The following PXYLP1 variants were observed in gnomAD, a reference collection of about 807,000 sequenced individuals.
PXYLP1 encodes the protein acid phosphatase-like 2.
Under a neutral mutation model 37.9 loss-of-function variants are expected in PXYLP1, and 17 were observed. The ratio of observed to expected loss-of-function variants is 0.45; its 90% CI spans 0.31 to 0.67. The LOEUF is 0.67. PXYLP1 is among the 30% of genes least tolerant of loss of function. The pLI is 0.07. For missense variants in PXYLP1, 511 were observed against 612.0 expected (o/e 0.84, Z 1.74); for synonymous variants, 221 against 232.2 (o/e 0.95, Z 0.44).
intron 1 of PXYLP1, among the ~76,000 whole-genome samples, chr3:141,244,176 T>A (rs181128700): frequency 2.0e-5 from 3 of 152,342 alleles, no homozygotes; most frequent in Admixed American, 1.3e-4. Context: ...TAAAAAAAAA[T>A]TGTTACTTTT....
chr3:141,254,644 G>C (rs1466676667), intron 1 of PXYLP1, among the ~76,000 whole-genome samples: 1 of 151,994 alleles, frequency 6.6e-6, no homozygotes, highest in Admixed American at 6.6e-5. Context: ...TGGAAAAGGG[G>C]AACTATTAAG....
intron 2 of PXYLP1, among the ~76,000 whole-genome samples, chr3:141,276,697 G>T (rs1352314860): frequency 6.6e-6 from 1 of 152,152 alleles, no homozygotes; most frequent in Non-Finnish European, 1.5e-5. Context: ...CGAGATCGGG[G>T]GTAGTGCACA....
intron 1 of PXYLP1, among the ~76,000 whole-genome samples, chr3:141,242,864 T>C (rs1431767808): frequency 6.6e-6 from 1 of 152,218 alleles, no homozygotes; most frequent in Non-Finnish European, 1.5e-5. Flanking sequence ...AGAAGCTCCA[T>C]GAGGGCAGGA....
At chr3:141,260,559 A>G (rs1388622222) in intron 2 of PXYLP1, among the ~76,000 whole-genome samples, 1 of 152,198 alleles carries the variant, frequency 6.6e-6, no homozygotes, top group Non-Finnish European at 1.5e-5. Context: ...CACACAGAGC[A>G]GAGGTGTTTA....
Position 141,260,243 on chromosome 3 carries a change from G to T in PXYLP1, c.68G>T (p.Ser23Ile). The change falls in exon 2 of 6, where the codon AGC becomes ATC. Residue 23 changes from serine to isoleucine, a missense_variant. Ser to Ile is a moderately radical substitution (Grantham distance 142). Transcript: ENST00000286353. Reference sequence around the variant, plus strand: ...GCGCTGCTGGCCTTTGTGAGCCTCAGCCTGCAGTTCTGTGAGTAGAGCCGG... The same window carrying T: ...GCGCTGCTGGCCTTTGTGAGCCTCATCCTGCAGTTCTGTGAGTAGAGCCGG... ...LAALLAFVSL[S>I]LQFFHLIPVS... 3 of 1,612,994 alleles carry T rather than the reference G, an allele frequency of 1.9e-6. No homozygotes were observed. The highest frequency in any genetic ancestry group is 1.1e-5 in the South Asian group (1 of 91,082).
intron 1 of PXYLP1, among the ~76,000 whole-genome samples, chr3:141,242,227 T>C (rs892744776): frequency 6.6e-6 from 1 of 152,170 alleles, no homozygotes; most frequent in Non-Finnish European, 1.5e-5. Flanking sequence ...GAGGACACAT[T>C]GAAATGAACG....
intron 2 of PXYLP1, among the ~76,000 whole-genome samples, chr3:141,265,864 G>A (rs1941498067): frequency 6.6e-6 from 1 of 152,218 alleles, no homozygotes; most frequent in Non-Finnish European, 1.5e-5. Context: ...AAGAGGCCAC[G>A]GGAAAGTGCT....
At chr3:141,240,314 A>G (rs577184030) in intron 1 of PXYLP1, among the ~76,000 whole-genome samples, 1 of 152,272 alleles carries the variant, frequency 6.6e-6, no homozygotes, top group African/African-American at 2.4e-5. Flanking sequence ...TAATGGTTCA[A>G]ATATGGTAGG....
chr3:141,275,998 G>A (rs1353332255), intron 2 of PXYLP1, among the ~76,000 whole-genome samples: 4 of 152,110 alleles, frequency 2.6e-5, no homozygotes, highest in Admixed American at 1.3e-4. Flanking sequence ...TTTCTAAGTC[G>A]AGATATGTTT....
intron 2 of PXYLP1, 96 bp downstream of exon 2, chr3:141,260,350 C>A: frequency 7.4e-7 from 1 of 1,357,018 alleles, no homozygotes; most frequent in Non-Finnish European, 1.0e-6. Flanking sequence ...AATGATGAGG[C>A]TGAAGACAAC....
In PXYLP1 at chr3:141,293,178, T is replaced by C. The variant is rs140050195; in HGVS notation, c.1416T>C (p.Tyr472=). ...TGGGTGGCAGTGGTACAAATTATTA[T>C]GATGCATGTCACAGGGAAGGATTCT... is the stretch of plus-strand genomic sequence containing the variant. ...VALGGSGTNY[Y]DACHREGF is the part of the protein sequence containing the mutation. Residue 472 remains tyrosine (Y), a synonymous_variant, in exon 6 of 6, where the codon TAT becomes TAC. Coordinates refer to ENST00000286353, the MANE Select transcript of PXYLP1 (RefSeq NM_001037172.3). The C allele has an allele frequency of 1.2e-4, 188 of 1,613,880 alleles. 1 individual carries two copies. The African/African-American group carries it at 2.4e-3, about 21-fold the overall frequency.
intron 4 of PXYLP1, among the ~76,000 whole-genome samples, chr3:141,282,762 G>A (rs191810652): frequency 1.8e-3 from 274 of 152,332 alleles, no homozygotes; most frequent in African/African-American, 6.4e-3. Context: ...GGGATCAATA[G>A]GACTTGGTGG....
At chr3:141,246,123 T>C (rs1940931643) in intron 1 of PXYLP1, among the ~76,000 whole-genome samples, 1 of 152,096 alleles carries the variant, frequency 6.6e-6, no homozygotes, top group African/African-American at 2.4e-5. Context: ...TTTGGAAAGC[T>C]TGGTGGGGGG....
In PXYLP1 at chr3:141,278,391, T is replaced by C. The variant is rs1196419667; in HGVS notation, c.129T>C (p.Ser43=). Residue 43 remains serine (S), a synonymous_variant, in exon 3 of 6, where the codon AGT becomes AGC. Transcript: ENST00000286353. Reference sequence around the variant, plus strand: ...CTAAGAATGGAATGAGTAGCAAGAGTCGAAAGAGAATCATGCCCGACCCTG... The same window carrying C: ...CTAAGAATGGAATGAGTAGCAAGAGCCGAAAGAGAATCATGCCCGACCCTG... ...STPKNGMSSK[S]RKRIMPDPVT... 6.2e-7 allele frequency: 1 copy of C among 1,613,624 alleles called. No homozygotes were observed. The highest frequency in any genetic ancestry group is 2.2e-5 in the East Asian group (1 of 44,878).
chr3:141,259,682 T>C (rs1165305099), intron 1 of PXYLP1, among the ~76,000 whole-genome samples: 1 of 152,154 alleles, frequency 6.6e-6, no homozygotes, highest in Non-Finnish European at 1.5e-5. Flanking sequence ...ACAATTACAA[T>C]TAAAGAATAC....
chr3:141,239,536 C>T (rs902818292), intron 1 of PXYLP1, among the ~76,000 whole-genome samples: 1 of 148,798 alleles, frequency 6.7e-6, no homozygotes, highest in African/African-American at 2.5e-5. Context: ...TTCTCTTGTG[C>T]ATCTTGCTCT....
chr3:141,293,818 C>T lies in PXYLP1; in HGVS notation c.*613C>T, dbSNP rs1942290100. The T allele has an allele frequency of 6.6e-6, 1 of 152,310 alleles. No homozygotes were observed. Among genetic ancestry groups the T allele is most frequent in the Non-Finnish European group, 1.5e-5 (1 of 68,134 alleles). 9.4% of individuals were successfully genotyped at this position (152,310 alleles called of 1,614,324 possible). On this transcript the variant is annotated 3_prime_UTR_variant, in exon 6 of 6. Transcript: ENST00000286353. ...CCAGGCCGGACAAAACAGATGGTGA[C>T]CAGATTTGGCCCCTGGGCTGTAGTT...
chr3:141,272,782 T>G (rs890266556), intron 2 of PXYLP1: 3 of 159,756 alleles, frequency 1.9e-5, no homozygotes, highest in African/African-American at 8.6e-5. Context: ...TCTATTCATA[T>G]TTTTTCTGCC....
intron 1 of PXYLP1, among the ~76,000 whole-genome samples, chr3:141,243,550 T>C (rs2107897213): frequency 1.3e-5 from 2 of 152,354 alleles, no homozygotes; most frequent in Non-Finnish European, 2.9e-5. Context: ...GCACGCCCAC[T>C]GACATCCTCC....
Sources: gnomAD v4.1 joint callset for allele counts (sites outside exome capture counted in the v4.1 genomes callset) on GRCh38, gnomAD v4.1.1 for gene constraint, MANE v1.5 for transcripts, NCBI Gene and HGNC (gene_info 2026-07-23, HGNC 2026-07-21) for gene names.